The following MME variants were observed in gnomAD, a reference collection of about 807,000 sequenced individuals.
MME encodes the protein neprilysin.
In MME, 98 loss-of-function variants were observed where a neutral mutation model predicts 113.2. The observed-to-expected ratio is 0.87, with a 90% CI of 0.74 to 1.02. MME has a LOEUF of 1.02. Among genes scored for constraint, MME ranks in the 50% least tolerant of loss-of-function variants. MME has a pLI of 0.00. For synonymous variants in MME, 292 were observed against 300.6 expected, an observed-to-expected ratio of 0.97 and a Z score of 0.30; for missense variants, 836 against 896.0, an observed-to-expected ratio of 0.93 and a Z score of 0.86.
At chr3:155,027,239 T>C (rs1430398364) in intron 1 of MME, among the ~76,000 whole-genome samples, 1 of 152,152 alleles carries the variant, frequency 6.6e-6, no homozygotes, top group Non-Finnish European at 1.5e-5. Flanking sequence ...GGATTCCTGC[T>C]CTAATCTCTC....
At chr3:155,044,226 G>A (rs903926875) in intron 1 of MME, among the ~76,000 whole-genome samples, 3 of 146,532 alleles carry the variant, frequency 2.0e-5, no homozygotes, top group African/African-American at 2.5e-5. Flanking sequence ...TCTGCCTGCC[G>A]GGTTCAAGCA....
intron 20 of MME, among the ~76,000 whole-genome samples, chr3:155,170,108 C>T (rs185909115): frequency 3.3e-5 from 5 of 152,222 alleles, no homozygotes; most frequent in African/African-American, 4.8e-5. Flanking sequence ...TGCAGTGGCA[C>T]GAACTCGGCT....
Position 155,141,999 on chromosome 3 carries a change from C to A in MME, c.966C>A (p.Ser322Arg). Residue 322 changes from serine (S) to arginine (R), a missense_variant, in exon 11 of 23, where the codon AGC becomes AGA. By Grantham distance (110) the Ser-to-Arg change is moderately radical (BLOSUM62 -1). Coordinates refer to ENST00000360490, the MANE Select transcript of MME (RefSeq NM_007289.4). ...FSLEINGKPF[S>R]WLNFTNEIMS... ...TGCCTGCTTTTTTCCAGCCATTCAG[C>A]TGGTTGAATTTCACAAATGAAATCA... is the stretch of plus-strand genomic sequence containing the variant. The A allele has an allele frequency of 6.2e-7, 1 of 1,613,574 alleles. No individual in the cohort carries two copies. Among genetic ancestry groups the A allele is most frequent in the Non-Finnish European group, 8.5e-7 (1 of 1,179,660 alleles).
chr3:155,128,856 AT>A (rs1258099101), intron 8 of MME, among the ~76,000 whole-genome samples: 1 of 152,110 alleles, frequency 6.6e-6, no homozygotes, highest in Non-Finnish European at 1.5e-5. Flanking sequence ...GAAGAACCCA[AT>A]CTTTTGGAAG....
In MME at chr3:155,146,499, C is replaced by G. The variant is rs367644028; in HGVS notation, c.1417-645C>G. On this transcript the variant is annotated intron_variant, in intron 14 of 22. Coordinates refer to ENST00000360490, the MANE Select transcript of MME (RefSeq NM_007289.4). ...CCTGATTGTGCCACTGCACTTCAGCCTGGGCAACAGAGCAAGACCTTGTCT... is the reference window on the plus strand; with the variant it reads ...CCTGATTGTGCCACTGCACTTCAGCGTGGGCAACAGAGCAAGACCTTGTCT... Among the ~76,000 whole-genome samples the G allele has an allele frequency of 1.7e-4, 25 of 151,502 alleles. No homozygotes were observed. The East Asian group carries it at 4.7e-3, about 28-fold the overall frequency.
chr3:155,057,653 G>A (rs1453402313), intron 1 of MME, among the ~76,000 whole-genome samples: 2 of 150,618 alleles, frequency 1.3e-5, no homozygotes, highest in African/African-American at 2.4e-5. Flanking sequence ...AGTGTTTGGT[G>A]TGTTTTCCCC....
At chr3:155,038,474 T>A (rs1164756445) in intron 1 of MME, among the ~76,000 whole-genome samples, 1 of 152,188 alleles carries the variant, frequency 6.6e-6, no homozygotes, top group East Asian at 1.9e-4. Context: ...CATAGAAAGG[T>A]ACACCTCAAA....
At chr3:155,140,482 T>C (rs976467028) in intron 10 of MME, among the ~76,000 whole-genome samples, 190 bp downstream of exon 10, 14 of 140,450 alleles carry the variant, frequency 1.0e-4, no homozygotes, top group Non-Finnish European at 1.5e-4. Context: ...AGTGACACAA[T>C]CTTGGCTCAC....
chr3:155,177,310 G>A (rs954415567), intron 22 of MME, among the ~76,000 whole-genome samples: 7 of 152,194 alleles, frequency 4.6e-5, no homozygotes, highest in African/African-American at 1.7e-4. Context: ...TCCCTAGTGT[G>A]AGGAATGCCC....
rs1449679063 is a variant in MME, at chr3:155,172,587, G to GA, written c.2129dup (p.Asp710GlufsTer53). On this transcript the variant is annotated frameshift_variant, in exon 22 of 23. Transcript: ENST00000360490. LOFTEE classifies it high-confidence loss of function. The stretch of plus-strand genomic sequence containing the variant: ...GTATGCGGTTAACTCCATTAAAACA[G>GA]ATGTGCACAGTCCAGGCAATTTCAG... 3 of 1,612,896 alleles carry GA rather than the reference G, an allele frequency of 1.9e-6. No individual in the cohort carries two copies. Among genetic ancestry groups the GA allele is most frequent in the Non-Finnish European group, 2.5e-6 (3 of 1,179,218 alleles).
chr3:155,149,869 C>T (rs1056065576), intron 16 of MME, among the ~76,000 whole-genome samples: 11 of 152,210 alleles, frequency 7.2e-5, no homozygotes, highest in African/African-American at 2.4e-4. Flanking sequence ...CATATTGGAA[C>T]AAATATTGTG....
intron 8 of MME, among the ~76,000 whole-genome samples, chr3:155,122,206 G>C (rs1719209680): frequency 6.6e-6 from 1 of 151,750 alleles, no homozygotes; most frequent in Non-Finnish European, 1.5e-5. Context: ...TATTTGCGTA[G>C]AGGTGTTTAT....
chr3:155,058,298 C>G (rs1714008718), intron 1 of MME, among the ~76,000 whole-genome samples: 1 of 152,174 alleles, frequency 6.6e-6, no homozygotes, highest in South Asian at 2.1e-4. Flanking sequence ...CAATTAAGCA[C>G]TGCGTATTTT....
rs1713207130 is a variant in MME at position 155,182,640 on chromosome 3, G to A, written c.*2181G>A. Reference sequence around the variant, plus strand: ...CTCTAACTTATTTTATTTCCATCATGTCAGAGCAGGTGAAGAGCCAGAAGT... The same window carrying A: ...CTCTAACTTATTTTATTTCCATCATATCAGAGCAGGTGAAGAGCCAGAAGT... On this transcript the variant is annotated 3_prime_UTR_variant, in exon 23 of 23. Transcript: ENST00000360490. 6.6e-6 allele frequency: 1 copy of A among 152,172 alleles called. No individual in the cohort carries two copies. The highest frequency in any genetic ancestry group is 2.4e-5 in the African/African-American group (1 of 41,448). The allele number at this position is 152,172 out of a possible 1,614,324, so 9.4% of individuals were successfully genotyped here.
chr3:155,134,285 A>C (rs1362474697), intron 8 of MME, among the ~76,000 whole-genome samples: 2 of 151,364 alleles, frequency 1.3e-5, no homozygotes, highest in East Asian at 2.0e-4. Context: ...CCCTTGCTCC[A>C]CTCTCTCCCT....
chr3:155,135,571 T>C (rs1319310365), intron 8 of MME, among the ~76,000 whole-genome samples: 1 of 152,218 alleles, frequency 6.6e-6, no homozygotes, highest in African/African-American at 2.4e-5. Flanking sequence ...GGTAATGTGA[T>C]GCCTCCAGTC....
At chr3:155,130,517 A>G (rs1576623000) in intron 8 of MME, among the ~76,000 whole-genome samples, 1 of 152,320 alleles carries the variant, frequency 6.6e-6, no homozygotes, top group East Asian at 1.9e-4. Flanking sequence ...TCTGAGGTTC[A>G]TAAAAATAGA....
chr3:155,065,900 T>C (rs1289931867), intron 1 of MME, among the ~76,000 whole-genome samples: 1 of 152,214 alleles, frequency 6.6e-6, no homozygotes, highest in African/African-American at 2.4e-5. Context: ...ATGTTCCAAA[T>C]TGTTGTAGTT....
rs4571206 is a variant in MME at position 155,115,429 on chromosome 3, T to C, written c.358+274T>C. 0.084 allele frequency among the ~76,000 whole-genome samples: 12,702 copies of C among 152,048 alleles called. 643 individuals carry two copies. Among genetic ancestry groups the C allele is most frequent in the Middle Eastern group, 0.12 (34 of 292 alleles). ...ATGGCAGGTTTGGTTTTTTGTTTGTTTGTTTGTTTGTTTTTTGAGATGGAG... is the reference window on the plus strand; with the variant it reads ...ATGGCAGGTTTGGTTTTTTGTTTGTCTGTTTGTTTGTTTTTTGAGATGGAG... On this transcript the variant is annotated intron_variant, in intron 4 of 22. Transcript: ENST00000360490.
Sources: allele counts gnomAD v4.1 joint callset (sites outside exome capture counted in the v4.1 genomes callset), GRCh38; gene constraint gnomAD v4.1.1; transcripts MANE v1.5; gene names NCBI Gene and HGNC (gene_info 2026-07-23, HGNC 2026-07-21).